Variants in RBMS3 observed in about 807,000 individuals in gnomAD.
RBMS3 encodes the protein RNA-binding motif, single-stranded-interacting protein 3.
Under a neutral mutation model 66.8 loss-of-function variants are expected in RBMS3, and 27 were observed. That is an observed-to-expected ratio of 0.40 (90% CI 0.30 to 0.56). The LOEUF is 0.56. RBMS3 is among the 20% of genes least tolerant of loss of function. The probability of loss-of-function intolerance (pLI) is 0.40; values close to 1 mark genes in which losing one functional copy is unlikely to be tolerated. For missense variants in RBMS3, 513 were observed against 549.5 expected, an observed-to-expected ratio of 0.93 and a Z score of 0.66; for synonymous variants, 188 against 183.0, an observed-to-expected ratio of 1.03 and a Z score of -0.22.
intron 3 of RBMS3, among the ~76,000 whole-genome samples, chr3:29,514,838 A>G (rs184606577): frequency 6.6e-6 from 1 of 151,452 alleles, no homozygotes; most frequent in Non-Finnish European, 1.5e-5. Flanking sequence ...TAATATGAGG[A>G]TAATAGCTAA....
At chr3:29,896,367 A>G (rs1222510704) in intron 8 of RBMS3, among the ~76,000 whole-genome samples, 1 of 146,362 alleles carries the variant, frequency 6.8e-6, no homozygotes, top group Non-Finnish European at 1.5e-5. Context: ...TCATACTATT[A>G]AAAAAAAAAC....
In RBMS3 at chr3:29,936,354, T is replaced by C. The variant is rs574897297; in HGVS notation, c.1050+158T>C. Among the ~76,000 whole-genome samples, 6 of 152,294 alleles carry C rather than the reference T, an allele frequency of 3.9e-5. No individual in the cohort carries two copies. In the East Asian group the frequency reaches 9.7e-4, roughly 25 times the overall value. ...ATGAATAAGCTGCATTCTGCATGTATGTTCAGTTCCAGGGCACATGTACTC... is the reference window on the plus strand; with the variant it reads ...ATGAATAAGCTGCATTCTGCATGTACGTTCAGTTCCAGGGCACATGTACTC... On this transcript the variant is annotated intron_variant, in intron 11 of 14. Coordinates refer to ENST00000383767, the MANE Select transcript of RBMS3 (RefSeq NM_001003793.3).
intron 4 of RBMS3, among the ~76,000 whole-genome samples, chr3:29,625,963 G>A (rs2049048907): frequency 6.6e-6 from 1 of 152,008 alleles, no homozygotes. Flanking sequence ...TGAAGTTACT[G>A]GGAAAAGAAC....
At chr3:29,783,263 C>G (rs141173020) in intron 6 of RBMS3, among the ~76,000 whole-genome samples, 1 of 152,038 alleles carries the variant, frequency 6.6e-6, no homozygotes, top group Admixed American at 6.6e-5. Context: ...TATCTAAAGT[C>G]AAGACAAAGG....
chr3:29,392,022 G>C (rs943642922), intron 1 of RBMS3, among the ~76,000 whole-genome samples: 1 of 152,032 alleles, frequency 6.6e-6, no homozygotes, highest in Non-Finnish European at 1.5e-5. Flanking sequence ...GGTCGAGGAG[G>C]GTGGATCACT....
At chr3:29,857,735 T>C (rs2059115872) in intron 6 of RBMS3, among the ~76,000 whole-genome samples, 1 of 152,006 alleles carries the variant, frequency 6.6e-6, no homozygotes, top group South Asian at 2.1e-4. Flanking sequence ...CACTAGGCAA[T>C]GGTGAATAGG....
chr3:29,785,429 A>G (rs1335542072), intron 6 of RBMS3, among the ~76,000 whole-genome samples: 1 of 152,122 alleles, frequency 6.6e-6, no homozygotes, highest in African/African-American at 2.4e-5. Flanking sequence ...GAACTAGAAA[A>G]AACAATCCTA....
intron 4 of RBMS3, chr3:29,698,349 A>G (rs2052375086): frequency 2.0e-6 from 2 of 985,276 alleles, no homozygotes; most frequent in South Asian, 9.4e-5. Flanking sequence ...ATAAAACCGG[A>G]GCAGTTTGTG....
chr3:29,519,322 A>C (rs1301506940), intron 3 of RBMS3, among the ~76,000 whole-genome samples: 2 of 152,174 alleles, frequency 1.3e-5, no homozygotes, highest in East Asian at 3.9e-4. Flanking sequence ...GAGGGAATTC[A>C]AGAAGGGTTA....
In RBMS3 at chr3:29,376,397, C is replaced by T. The variant is rs1269984300; in HGVS notation, c.76-58346C>T. ...AAATGAATTGGCTTTCCATTTACCC[C>T]TTTGATTGCCCTTACCCCTATCCAT... On this transcript the variant is annotated intron_variant, in intron 1 of 14. Transcript: ENST00000383767. Among the ~76,000 whole-genome samples the T allele has an allele frequency of 2.0e-5, 3 of 152,304 alleles. No homozygotes were observed. In the East Asian group the frequency reaches 5.8e-4, roughly 29 times the overall value.
In RBMS3 at chr3:29,388,972, A is replaced by C. The variant is rs549144633; in HGVS notation, c.76-45771A>C. On this transcript the variant is annotated intron_variant, in intron 1 of 14. Coordinates refer to ENST00000383767, the MANE Select transcript of RBMS3 (RefSeq NM_001003793.3). ...GACACATCATCAGGCAGTTTGCCTC[A>C]GTATTGATTTGAGAATTTGAGAGGA... 8.5e-5 allele frequency among the ~76,000 whole-genome samples: 13 copies of C among 152,334 alleles called. No individual in the cohort carries two copies. The East Asian group carries it at 2.3e-3, about 27-fold the overall frequency.
intron 1 of RBMS3, among the ~76,000 whole-genome samples, chr3:29,384,895 T>G (rs149573386): frequency 3.3e-4 from 50 of 152,310 alleles, no homozygotes; most frequent in Non-Finnish European, 4.9e-4. Context: ...GAAAAAGTAT[T>G]AACATACGTT....
intron 1 of RBMS3, among the ~76,000 whole-genome samples, chr3:29,376,395 C>T (rs2038468593): frequency 6.6e-6 from 1 of 152,262 alleles, no homozygotes; most frequent in South Asian, 2.1e-4. Flanking sequence ...TTCCATTTAC[C>T]CCTTTGATTG....
At chr3:29,489,675 T>C in intron 3 of RBMS3, among the ~76,000 whole-genome samples, 1 of 150,354 alleles carries the variant, frequency 6.7e-6, no homozygotes, top group Non-Finnish European at 1.5e-5. Context: ...ATGGGTGAGC[T>C]TGGGACAGGT....
chr3:29,395,548 A>G lies in RBMS3; in HGVS notation c.76-39195A>G, dbSNP rs527328045. ...GCTATGATGCTTCTCCATCATTGTC[A>G]TTAGAGCTACATTTAAGCAAATGCT... On this transcript the variant is annotated intron_variant, in intron 1 of 14. Coordinates refer to ENST00000383767, the MANE Select transcript of RBMS3 (RefSeq NM_001003793.3). Among the ~76,000 whole-genome samples, 18 of 152,328 alleles carry G rather than the reference A, an allele frequency of 1.2e-4. No homozygotes were observed. In the East Asian group the frequency reaches 3.1e-3, roughly 26 times the overall value.
chr3:29,421,447 T>C (rs2040732126), intron 1 of RBMS3, among the ~76,000 whole-genome samples: 1 of 152,196 alleles, frequency 6.6e-6, no homozygotes, highest in Non-Finnish European at 1.5e-5. Flanking sequence ...TTAGGAGCCA[T>C]GAAATTAGTA....
intron 1 of RBMS3, among the ~76,000 whole-genome samples, chr3:29,380,194 G>T (rs1421516564): frequency 4.2e-5 from 6 of 142,168 alleles, no homozygotes; most frequent in African/African-American, 1.3e-4. Context: ...AATCTAGTAG[G>T]TATTTAGTAG....
chr3:29,865,295 A>G (rs962330843), intron 6 of RBMS3, among the ~76,000 whole-genome samples: 2 of 152,166 alleles, frequency 1.3e-5, no homozygotes, highest in Non-Finnish European at 2.9e-5. Context: ...CTAGACTATT[A>G]GAACCAGGGA....
At chr3:29,354,698 C>T (rs937814540) in intron 1 of RBMS3, among the ~76,000 whole-genome samples, 8 of 152,066 alleles carry the variant, frequency 5.3e-5, no homozygotes, top group Non-Finnish European at 1.0e-4. Context: ...TCAGGCCCTG[C>T]GAACATGACA....
Sources: allele counts gnomAD v4.1 joint callset (sites outside exome capture counted in the v4.1 genomes callset), GRCh38; gene constraint gnomAD v4.1.1; transcripts MANE v1.5; gene names NCBI Gene and HGNC (gene_info 2026-07-23, HGNC 2026-07-21).